FMNL2: variants seen among roughly 807,000 people sequenced by gnomAD.
The protein encoded by FMNL2 is formin like 2, also known as formin-like protein 2.
Under a neutral mutation model 130.2 loss-of-function variants are expected in FMNL2, and 51 were observed. The ratio of observed to expected loss-of-function variants is 0.39; its 90% CI spans 0.31 to 0.49. The LOEUF (loss-of-function observed/expected upper bound fraction) is 0.49. Ranked by LOEUF, FMNL2 falls within the 20% of genes least tolerant of loss-of-function variation. The pLI is 0.85. For synonymous variants in FMNL2, 465 were observed against 467.1 expected, an observed-to-expected ratio of 1.00 and a Z score of 0.06; for missense variants, 977 against 1,316.2, an observed-to-expected ratio of 0.74 and a Z score of 3.99.
Position 152,564,776 on chromosome 2 carries a change from G to GTTTTTTTTTTTT in FMNL2, c.596+3752_596+3763dup, listed in dbSNP as rs56378937. On this transcript the variant is annotated intron_variant, in intron 6 of 25. Coordinates refer to ENST00000288670, the MANE Select transcript of FMNL2 (RefSeq NM_052905.4). ...CACTGCGTTCTAAAATACAAGGTTGGTTTTTTTTTTTTTTTTTTTTTTAAC... is the reference window on the plus strand; with the variant it reads ...CACTGCGTTCTAAAATACAAGGTTGGTTTTTTTTTTTTTTTTTTTTTTTTTTTTTTTTTTAAC... Among the ~76,000 whole-genome samples the GTTTTTTTTTTTT allele has an allele frequency of 3.5e-4, 28 of 79,338 alleles. 1 individual carries two copies. Among genetic ancestry groups the GTTTTTTTTTTTT allele is most frequent in the South Asian group, 5.2e-4 (1 of 1,926 alleles). 52.0% of individuals were successfully genotyped at this position (79,338 alleles called of 152,430 possible).
intron 1 of FMNL2, among the ~76,000 whole-genome samples, chr2:152,380,739 A>T (rs1017284907): frequency 6.6e-6 from 1 of 152,082 alleles, no homozygotes; most frequent in African/African-American, 2.4e-5. Context: ...TGCTCTATAC[A>T]CCCAGTATAG....
chr2:152,410,193 G>A (rs1340560305), intron 1 of FMNL2, among the ~76,000 whole-genome samples: 1 of 152,190 alleles, frequency 6.6e-6, no homozygotes, highest in Non-Finnish European at 1.5e-5. Flanking sequence ...ATGGAGCACA[G>A]GTTGTGAACA....
chr2:152,598,799 G>C (rs1697893727), intron 9 of FMNL2, among the ~76,000 whole-genome samples: 1 of 152,198 alleles, frequency 6.6e-6, no homozygotes. Flanking sequence ...GAGACAACAG[G>C]ACATCTATAG....
chr2:152,393,375 A>G lies in FMNL2; in HGVS notation c.117+57655A>G, dbSNP rs568863817. 4.6e-5 allele frequency among the ~76,000 whole-genome samples: 7 copies of G among 152,326 alleles called. No individual in the cohort carries two copies. The South Asian group carries it at 1.5e-3, about 32-fold the overall frequency. The stretch of plus-strand genomic sequence containing the variant: ...CATTGTGTTAAAGATACCATAATAA[A>G]TGTCTTTATTTATAAACTTGCCTAT... On this transcript the variant is annotated intron_variant, in intron 1 of 25. Transcript: ENST00000288670.
intron 21 of FMNL2, among the ~76,000 whole-genome samples, chr2:152,633,194 G>C (rs1682299762): frequency 6.6e-6 from 1 of 151,530 alleles, no homozygotes; most frequent in Non-Finnish European, 1.5e-5. Flanking sequence ...CTCCCAGGCT[G>C]AAACGATCCT....
At position 152,517,022 on chromosome 2, in the gene FMNL2, T is replaced by C. The variant is rs1309668476; in HGVS notation, c.118-4921T>C. 3.9e-5 allele frequency among the ~76,000 whole-genome samples: 6 copies of C among 152,254 alleles called. No homozygotes were observed. The East Asian group carries it at 9.7e-4, about 25-fold the overall frequency. On this transcript the variant is annotated intron_variant, in intron 1 of 25. Transcript: ENST00000288670. Reference sequence around the variant, plus strand: ...TGGATAAAAACCAAAGTAGAGACCATACATGTAACTACCACTTGGAATAGA... The same window carrying C: ...TGGATAAAAACCAAAGTAGAGACCACACATGTAACTACCACTTGGAATAGA...
intron 1 of FMNL2, among the ~76,000 whole-genome samples, chr2:152,367,488 T>C (rs949125860): frequency 1.3e-5 from 2 of 152,228 alleles, no homozygotes; most frequent in African/African-American, 2.4e-5. Context: ...ATGTTTGATA[T>C]TTTAGTTGAC....
intron 1 of FMNL2, among the ~76,000 whole-genome samples, chr2:152,336,389 ACTTAAAT>A (rs1018756125): frequency 6.6e-5 from 10 of 152,108 alleles, no homozygotes; most frequent in African/African-American, 2.4e-4. Flanking sequence ...TTCCCTCTAG[ACTTAAAT>A]CTTAAACCAC....
At chr2:152,611,350 A>G (rs903633040) in intron 10 of FMNL2, 145 bp from the exon 11 acceptor site, 4 of 526,864 alleles carry the variant, frequency 7.6e-6, no homozygotes, top group South Asian at 5.0e-5. Flanking sequence ...AAAAAAAACC[A>G]TATATATATT....
chr2:152,383,273 CTTTT>C (rs35206829), intron 1 of FMNL2, among the ~76,000 whole-genome samples: 8 of 97,600 alleles, frequency 8.2e-5, no homozygotes, highest in African/African-American at 1.1e-4. Context: ...TCCGTTAATC[CTTTT>C]TTTTTTTTTT....
At chr2:152,440,647 TA>T (rs1315168508) in intron 1 of FMNL2, among the ~76,000 whole-genome samples, 4 of 152,172 alleles carry the variant, frequency 2.6e-5, no homozygotes, top group Non-Finnish European at 5.9e-5. Context: ...TAACTGTGGT[TA>T]AAAAACAAAG....
At chr2:152,643,708 T>C (rs1363491073) in intron 25 of FMNL2, 21 of 985,378 alleles carry the variant, frequency 2.1e-5, no homozygotes, top group Non-Finnish European at 2.0e-5. Context: ...CTGGCCACTT[T>C]CAATACATGT....
intron 9 of FMNL2, among the ~76,000 whole-genome samples, chr2:152,598,764 T>C (rs1481627350): frequency 6.6e-6 from 1 of 151,966 alleles, no homozygotes; most frequent in Admixed American, 6.6e-5. Context: ...GAAATGGGGG[T>C]GTATTAGGGC....
At position 152,572,631 on chromosome 2, in the gene FMNL2, A is replaced by T. The variant is rs199970802; in HGVS notation, c.597-2505A>T. On this transcript the variant is annotated intron_variant, in intron 6 of 25. Coordinates refer to ENST00000288670, the MANE Select transcript of FMNL2 (RefSeq NM_052905.4). Reference sequence around the variant, plus strand: ...CAAGACCCTGTCTCTACAAAAAAAAATTTTTTTTAATTAACTGGGCATTGT... The same window carrying T: ...CAAGACCCTGTCTCTACAAAAAAAATTTTTTTTTAATTAACTGGGCATTGT... Among the ~76,000 whole-genome samples, 20 of 122,390 alleles carry T rather than the reference A, an allele frequency of 1.6e-4. 1 individual carries two copies. The highest frequency in any genetic ancestry group is 8.9e-4 in the Admixed American group (11 of 12,306). The allele number at this position is 122,390 out of a possible 152,430, so 80.3% of individuals were successfully genotyped here.
At position 152,601,672 on chromosome 2, in the gene FMNL2, T is replaced by TTTTC. The variant is rs1553484917; in HGVS notation, c.877-5664_877-5663insCTTT. 8.1e-5 allele frequency among the ~76,000 whole-genome samples: 10 copies of TTTTC among 122,964 alleles called. No individual in the cohort carries two copies. The East Asian group carries it at 9.7e-4, about 12-fold the overall frequency. The allele number at this position is 122,964 out of a possible 152,430, so 80.7% of individuals were successfully genotyped here. A position where few individuals can be genotyped will look rare whatever the true frequency, so the allele number is the denominator to read the frequency against. ...GCTCTCTTTTCTTTTCTTTTCTTTC[T>TTTTC]TTTTTTTTTTTTTTTGAGACAGAGT... On this transcript the variant is annotated intron_variant, in intron 9 of 25. Transcript: ENST00000288670.
intron 5 of FMNL2, among the ~76,000 whole-genome samples, chr2:152,560,042 T>C (rs1695437566): frequency 6.6e-6 from 1 of 152,252 alleles, no homozygotes; most frequent in African/African-American, 2.4e-5. Context: ...ATATGTATTA[T>C]TGTTTTTTCT....
At chr2:152,595,107 A>G (rs1697689604) in intron 9 of FMNL2, among the ~76,000 whole-genome samples, 1 of 152,200 alleles carries the variant, frequency 6.6e-6, no homozygotes, top group Non-Finnish European at 1.5e-5. Context: ...CAATAACTGT[A>G]CTAGCAACAC....
intron 25 of FMNL2, among the ~76,000 whole-genome samples, chr2:152,647,482 G>A (rs1180867809): frequency 6.6e-6 from 1 of 152,128 alleles, no homozygotes; most frequent in Admixed American, 6.5e-5. Context: ...AAAAAATTAA[G>A]CTACAGCTGC....
intron 1 of FMNL2, among the ~76,000 whole-genome samples, chr2:152,452,359 C>A (rs1431998999): frequency 6.6e-6 from 1 of 152,222 alleles, no homozygotes; most frequent in Non-Finnish European, 1.5e-5. Flanking sequence ...CATTTCAGAA[C>A]AACAGAAGCT....
Sources: allele counts gnomAD v4.1 joint callset (sites outside exome capture counted in the v4.1 genomes callset), GRCh38; gene constraint gnomAD v4.1.1; transcripts MANE v1.5; gene names NCBI Gene and HGNC (gene_info 2026-07-23, HGNC 2026-07-21).